Variants in REV3L observed in about 807,000 individuals in gnomAD.
The protein encoded by REV3L is DNA polymerase zeta catalytic subunit.
In REV3L, 69 loss-of-function variants were observed where a neutral mutation model predicts 299.4. The ratio of observed to expected loss-of-function variants is 0.23; its 90% CI spans 0.19 to 0.28. REV3L has a LOEUF of 0.28. Among genes scored for constraint, REV3L ranks in the 10% least tolerant of loss-of-function variants. The pLI is 1.00. For missense variants in REV3L, 3,128 were observed against 3,693.8 expected, an observed-to-expected ratio of 0.85 and a Z score of 3.97; for synonymous variants, 1,238 against 1,271.4, an observed-to-expected ratio of 0.97 and a Z score of 0.56.
chr6:111,375,832 C>T lies in REV3L; in HGVS notation c.2523G>A (p.Gln841=), dbSNP rs1780248091. ...TCTCACTACTTTTGGTAGAAGTCTCCTGATGACCTGCAAGTTTCCTTTTAT... is the reference window on the plus strand; with the variant it reads ...TCTCACTACTTTTGGTAGAAGTCTCTTGATGACCTGCAAGTTTCCTTTTAT... ...KLNKRKLAGH[Q]ETSTKSSETG... Residue 841 remains glutamine (Q), a synonymous_variant, in exon 13 of 32, where the codon CAG becomes CAA. Transcript: ENST00000368802. The T allele has an allele frequency of 6.2e-7, 1 of 1,613,342 alleles. No homozygotes were observed. Among genetic ancestry groups the T allele is most frequent in the South Asian group, 1.1e-5 (1 of 90,936 alleles).
chr6:111,391,768 C>T (rs1781956852), intron 5 of REV3L, among the ~76,000 whole-genome samples: 1 of 152,196 alleles, frequency 6.6e-6, no homozygotes, highest in African/African-American at 2.4e-5. Flanking sequence ...TGGTGCTGCA[C>T]ACCTGTAGTC....
intron 25 of REV3L, among the ~76,000 whole-genome samples, chr6:111,324,074 A>C (rs1344159036): frequency 6.6e-6 from 1 of 152,174 alleles, no homozygotes; most frequent in Non-Finnish European, 1.5e-5. Context: ...AGCTTGGCTC[A>C]CTGCAACCTC....
intron 1 of REV3L, among the ~76,000 whole-genome samples, chr6:111,463,368 A>G (rs981764294): frequency 2.6e-5 from 4 of 152,224 alleles, no homozygotes; most frequent in Admixed American, 6.5e-5. Context: ...GTTACAACAA[A>G]TAAAGAGATT....
chr6:111,324,559 C>T lies in REV3L; in HGVS notation c.8242-1881G>A, dbSNP rs536338402. 3.9e-5 allele frequency among the ~76,000 whole-genome samples: 6 copies of T among 152,236 alleles called. No homozygotes were observed. In the South Asian group the frequency reaches 1.2e-3, roughly 32 times the overall value. ...AGATGTATACTTACAAGTATATACT[C>T]GAACATATACATAGTGGTCTTAAAT... is the stretch of plus-strand genomic sequence containing the variant. On this transcript the variant is annotated intron_variant, in intron 25 of 31. Coordinates refer to ENST00000368802, the MANE Select transcript of REV3L (RefSeq NM_001372078.1).
At position 111,374,594 on chromosome 6, in the gene REV3L, C is replaced by G; in HGVS notation, c.3761G>C (p.Ser1254Thr). The G allele has an allele frequency of 6.2e-7, 1 of 1,613,810 alleles. No homozygotes were observed. The highest frequency in any genetic ancestry group is 8.5e-7 in the Non-Finnish European group (1 of 1,179,890). The change falls in exon 13 of 32, where the codon AGT (serine) becomes ACT (threonine). Residue 1254 changes from serine to threonine, a missense_variant. By Grantham distance (58) the Ser-to-Thr change is moderately conservative (BLOSUM62 1). Coordinates refer to ENST00000368802, the MANE Select transcript of REV3L (RefSeq NM_001372078.1). ...AAAAAGTAGTTGAGAGCCTCCAGAACTACTTGCAAATTCAGACACATTCTG... is the reference window on the plus strand; with the variant it reads ...AAAAAGTAGTTGAGAGCCTCCAGAAGTACTTGCAAATTCAGACACATTCTG... ...KHQNVSEFASSSGGSQLLFKQ... is the reference protein window; with the variant it reads ...KHQNVSEFASTSGGSQLLFKQ...
chr6:111,406,779 G>A (rs1056288930), intron 3 of REV3L, among the ~76,000 whole-genome samples: 8 of 151,954 alleles, frequency 5.3e-5, no homozygotes, highest in African/African-American at 1.9e-4. Flanking sequence ...AGGGCATTTA[G>A]GTATAGTGGG....
rs1244422172 is a variant in REV3L, at chr6:111,402,176, T to C, written c.565+3294A>G. On this transcript the variant is annotated intron_variant, in intron 4 of 31. Coordinates refer to ENST00000368802, the MANE Select transcript of REV3L (RefSeq NM_001372078.1). ...AGGGAGGATTTGCACTTGCTGCTTC[T>C]GTCAGATCTGAGTCTATTACTAGAC... 2.0e-5 allele frequency among the ~76,000 whole-genome samples: 3 copies of C among 152,166 alleles called. No individual in the cohort carries two copies. The East Asian group carries it at 5.8e-4, about 29-fold the overall frequency.
intron 1 of REV3L, chr6:111,430,704 A>G: frequency 1.3e-6 from 2 of 1,544,066 alleles, no homozygotes; most frequent in Middle Eastern, 2.1e-4. Flanking sequence ...AGCAAAGAAA[A>G]TAAAAAGAAA....
intron 16 of REV3L, 112 bp downstream of exon 16, chr6:111,363,736 AATAGG>A: frequency 2.2e-6 from 2 of 893,868 alleles, no homozygotes; most frequent in East Asian, 2.7e-5. Flanking sequence ...GATGAAGATT[AATAGG>A]ATAGAATTCA....
intron 1 of REV3L, chr6:111,472,211 T>C (rs948485641): frequency 3.3e-5 from 32 of 963,484 alleles, no homozygotes; most frequent in Non-Finnish European, 4.1e-5. Flanking sequence ...GTTTTAACTT[T>C]ACATTTTTCA....
At chr6:111,337,168 G>T (rs118202) in intron 21 of REV3L, among the ~76,000 whole-genome samples, 102,153 of 151,850 alleles carry the variant, frequency 0.67, 36,526 homozygotes, top group Non-Finnish European at 0.81. Context: ...AATTAAAATA[G>T]TATAAAACTT....
intron 1 of REV3L, among the ~76,000 whole-genome samples, chr6:111,458,634 C>T (rs910722383): frequency 2.4e-4 from 37 of 151,984 alleles, no homozygotes; most frequent in African/African-American, 8.7e-4. Context: ...TTCTACGTAA[C>T]AATAACCTTC....
At chr6:111,480,842 T>TG (rs1046774760) in intron 1 of REV3L, among the ~76,000 whole-genome samples, 4 of 149,990 alleles carry the variant, frequency 2.7e-5, no homozygotes, top group South Asian at 2.1e-4. Flanking sequence ...GTTTTTGTTT[T>TG]TTTTTTTTTT....
chr6:111,376,538 G>C lies in REV3L; in HGVS notation c.1817C>G (p.Thr606Arg), dbSNP rs201601521. Residue 606 changes from threonine (T) to arginine (R), a missense_variant, in exon 13 of 32, where the codon ACA becomes AGA. By Grantham distance (71) the Thr-to-Arg change is moderately conservative. Around this residue, in one of 9 missense-constraint regions of REV3L, gnomAD observed 2,409 missense variants for 2,611.8 expected, o/e 0.92. Coordinates refer to ENST00000368802, the MANE Select transcript of REV3L (RefSeq NM_001372078.1). ...IEDLSQTNKN[T>R]EKGLDNSVTS... ...GACTGAGTTATCTAGACCTTTTTCT[G>C]TATTTTTGTTTGTCTGTGAAAGGTC... 11 of 1,611,370 alleles carry C rather than the reference G, an allele frequency of 6.8e-6. No homozygotes were observed. Among genetic ancestry groups the C allele is most frequent in the Non-Finnish European group, 9.3e-6 (11 of 1,179,424 alleles).
intron 21 of REV3L, among the ~76,000 whole-genome samples, chr6:111,340,628 A>C (rs993714546): frequency 6.6e-6 from 1 of 152,134 alleles, no homozygotes; most frequent in Non-Finnish European, 1.5e-5. Context: ...GTAGAAAGCA[A>C]ATGGAAATCA....
intron 1 of REV3L, chr6:111,430,603 C>A (rs1786784542): frequency 6.5e-7 from 1 of 1,535,806 alleles, no homozygotes; most frequent in Non-Finnish European, 9.0e-7. Context: ...GAAGACAGAA[C>A]AGACACCTCG....
At chr6:111,436,370 A>G (rs1397906238) in intron 1 of REV3L, among the ~76,000 whole-genome samples, 1 of 152,218 alleles carries the variant, frequency 6.6e-6, no homozygotes, top group African/African-American at 2.4e-5. Context: ...AATTATTAGA[A>G]TCAATGTAAG....
Position 111,374,065 on chromosome 6 carries a change from C to T in REV3L, c.4290G>A (p.Val1430=), listed in dbSNP as rs455732. 822,095 of 1,613,808 alleles carry T rather than the reference C, an allele frequency of 0.51. 218,176 individuals are homozygous for T. Among genetic ancestry groups the T allele is most frequent in the Non-Finnish European group, 0.55 (647,304 of 1,179,840 alleles). ...LHCKDSQQQI[V]CIAEQSKHSE... is the part of the protein sequence containing the mutation. Reference sequence around the variant, plus strand: ...TGTGCTTTGACTGTTCCGCTATGCACACAATCTGCTGCTGACTGTCTTTGC... The same window carrying T: ...TGTGCTTTGACTGTTCCGCTATGCATACAATCTGCTGCTGACTGTCTTTGC... Residue 1430 remains valine (V), a synonymous_variant, in exon 13 of 32, where the codon GTG becomes GTA. Coordinates refer to ENST00000368802, the MANE Select transcript of REV3L (RefSeq NM_001372078.1).
At position 111,310,052 on chromosome 6, in the gene REV3L, C is replaced by T. The variant is rs373344842; in HGVS notation, c.8843G>A (p.Arg2948Gln). 1.1e-5 allele frequency: 18 copies of T among 1,603,578 alleles called. No individual in the cohort carries two copies. Among genetic ancestry groups the T allele is most frequent in the Non-Finnish European group, 1.5e-5 (18 of 1,174,238 alleles). The change falls in exon 30 of 32, where the codon CGA becomes CAA. Residue 2948 changes from arginine (R) to glutamine (Q), a missense_variant. By Grantham distance (43) the Arg-to-Gln change is conservative. Transcript: ENST00000368802. ...CCCATAAATGATGACGTATGGCACT[C>T]GCTCCCCAACCTGAGGCTCAGAGCG... ...DRRSEPQVGE[R>Q]VPYVIIYGTP... is the part of the protein sequence containing the mutation.
Sources: gnomAD v4.1 joint callset for allele counts (sites outside exome capture counted in the v4.1 genomes callset) on GRCh38, gnomAD v4.1.1 for gene constraint, gnomAD v4.1.1 regional missense constraint, MANE v1.5 for transcripts, NCBI Gene and HGNC (gene_info 2026-07-23, HGNC 2026-07-21) for gene names.